Variants in FAT3 observed in about 807,000 individuals in gnomAD.
FAT3 encodes FAT atypical cadherin 3.
Under a neutral mutation model 310.2 loss-of-function variants are expected in FAT3, and 95 were observed. That is an observed-to-expected ratio of 0.31 (90% confidence interval 0.26 to 0.36). The LOEUF is 0.36. Among genes scored for constraint, FAT3 ranks in the 10% least tolerant of loss-of-function variants. FAT3 has a pLI of 1.00. For synonymous variants in FAT3, 2,314 were observed against 2,192.9 expected, an observed-to-expected ratio of 1.06 and a Z score of -1.54; for missense variants, 5,408 against 5,715.6, an observed-to-expected ratio of 0.95 and a Z score of 1.74.
intron 17 of FAT3, among the ~76,000 whole-genome samples, chr11:92,838,421 C>T (rs187427575): frequency 1.3e-5 from 2 of 152,292 alleles, no homozygotes; most frequent in Admixed American, 1.3e-4. Flanking sequence ...TGGTATTCTG[C>T]TATAAGAGAG....
chr11:92,765,569 A>G (rs995203530), intron 6 of FAT3, among the ~76,000 whole-genome samples: 1 of 152,108 alleles, frequency 6.6e-6, no homozygotes, highest in Non-Finnish European at 1.5e-5. Flanking sequence ...GAACTGTTCA[A>G]CAGAAGGTAC....
At chr11:92,471,216 C>T (rs905597014) in intron 2 of FAT3, among the ~76,000 whole-genome samples, 1 of 152,098 alleles carries the variant, frequency 6.6e-6, no homozygotes, top group African/African-American at 2.4e-5. Flanking sequence ...ACTTTTATTA[C>T]TTCCTTAGTT....
In FAT3 at chr11:92,896,335, A is replaced by T. The variant is rs12795339; in HGVS notation, c.*5222A>T. ...AAAAAGAAAAGAAAAGAAAAAAAAA[A>T]CAAAAGCAAACAAAAAAAAAGACAG... On this transcript the variant is annotated 3_prime_UTR_variant, in exon 28 of 28. Coordinates refer to ENST00000525166, the MANE Select transcript of FAT3 (RefSeq NM_001367949.2). The T allele has an allele frequency of 6.6e-6, 1 of 151,700 alleles. No individual in the cohort carries two copies. Among genetic ancestry groups the T allele is most frequent in the African/African-American group, 2.4e-5 (1 of 41,302 alleles). 9.4% of individuals were successfully genotyped at this position (151,700 alleles called of 1,614,324 possible). A position where few individuals can be genotyped will look rare whatever the true frequency, so the allele number is the denominator to read the frequency against.
chr11:92,691,663 A>C (rs1446785210), intron 3 of FAT3, among the ~76,000 whole-genome samples: 1 of 152,154 alleles, frequency 6.6e-6, no homozygotes, highest in African/African-American at 2.4e-5. Context: ...TTATAGGCAT[A>C]AGACACCACA....
At chr11:92,424,624 A>G (rs1950593555) in intron 2 of FAT3, among the ~76,000 whole-genome samples, 1 of 152,108 alleles carries the variant, frequency 6.6e-6, no homozygotes, top group South Asian at 2.1e-4. Context: ...CAGAAATTTA[A>G]TTTTGGCCTT....
chr11:92,510,508 A>G (rs767957660), intron 2 of FAT3, among the ~76,000 whole-genome samples: 3 of 152,140 alleles, frequency 2.0e-5, no homozygotes, highest in Admixed American at 1.3e-4. Context: ...CCTGGTGCCA[A>G]CTACACAGAC....
intron 1 of FAT3, among the ~76,000 whole-genome samples, chr11:92,244,722 G>C (rs1273530293): frequency 6.6e-6 from 1 of 152,056 alleles, no homozygotes; most frequent in South Asian, 2.1e-4. Context: ...TAGGCTTACG[G>C]TGGGGCTTAA....
rs1948649365 is a variant in FAT3 at position 92,353,967 on chromosome 11, A to G, written c.1855A>G (p.Asn619Asp). 6.2e-7 allele frequency: 1 copy of G among 1,612,538 alleles called. No individual in the cohort carries two copies. The highest frequency in any genetic ancestry group is 8.5e-7 in the Non-Finnish European group (1 of 1,179,056). The change falls in exon 2 of 28, where the codon AAT (asparagine) becomes GAT (aspartate). Residue 619 changes from asparagine (N) to aspartate (D), a missense_variant. Coordinates refer to ENST00000525166, the MANE Select transcript of FAT3 (RefSeq NM_001367949.2). ...ELVKYKIISG[N>D]ELGFFYLNPD... ...TGTAAAGTACAAAATCATTTCTGGAAATGAACTTGGCTTCTTTTATTTAAA... is the reference window on the plus strand; with the variant it reads ...TGTAAAGTACAAAATCATTTCTGGAGATGAACTTGGCTTCTTTTATTTAAA...
intron 3 of FAT3, among the ~76,000 whole-genome samples, chr11:92,634,145 G>A (rs894216411): frequency 3.9e-5 from 6 of 152,146 alleles, no homozygotes; most frequent in Non-Finnish European, 8.8e-5. Context: ...AGAGATTTTT[G>A]CAGTGAGTTA....
intron 23 of FAT3, 50 bp downstream of exon 23, chr11:92,880,934 C>G (rs2136400091): frequency 6.3e-7 from 1 of 1,579,390 alleles, no homozygotes; most frequent in Middle Eastern, 1.7e-4. Context: ...TTTATTGCTA[C>G]AACAAACCAG....
chr11:92,266,461 T>G (rs1249067211), intron 1 of FAT3, among the ~76,000 whole-genome samples: 1 of 152,202 alleles, frequency 6.6e-6, no homozygotes, highest in Non-Finnish European at 1.5e-5. Context: ...GATAGGTACT[T>G]TTCAGCTTTT....
In FAT3 at chr11:92,624,243, C is replaced by T. The variant is rs528671772; in HGVS notation, c.3608-73141C>T. Among the ~76,000 whole-genome samples, 3 of 152,208 alleles carry T rather than the reference C, an allele frequency of 2.0e-5. No individual in the cohort carries two copies. In the East Asian group the frequency reaches 5.8e-4, roughly 29 times the overall value. On this transcript the variant is annotated intron_variant, in intron 3 of 27. Coordinates refer to ENST00000525166, the MANE Select transcript of FAT3 (RefSeq NM_001367949.2). ...CTGCCTGTGGTTGTGTAGTATTTTGCCGGATGAAGAGCAAGAAGAAAAACA... is the reference window on the plus strand; with the variant it reads ...CTGCCTGTGGTTGTGTAGTATTTTGTCGGATGAAGAGCAAGAAGAAAAACA...
chr11:92,731,425 G>A (rs1465974554), intron 4 of FAT3, among the ~76,000 whole-genome samples: 1 of 151,380 alleles, frequency 6.6e-6, no homozygotes, highest in Non-Finnish European at 1.5e-5. Context: ...TGCCCTTGTT[G>A]AGAAATATGG....
intron 3 of FAT3, among the ~76,000 whole-genome samples, chr11:92,535,523 G>T (rs1296716246): frequency 6.6e-6 from 1 of 152,204 alleles, no homozygotes. Context: ...GAGGGAGGAA[G>T]ACCCCATGGC....
chr11:92,687,881 A>C (rs1334020384), intron 3 of FAT3, among the ~76,000 whole-genome samples: 1 of 151,990 alleles, frequency 6.6e-6, no homozygotes, highest in Admixed American at 6.5e-5. Context: ...CTTCCTTGCT[A>C]GGCATGCCTA....
At chr11:92,286,977 T>A (rs887997700) in intron 1 of FAT3, among the ~76,000 whole-genome samples, 1 of 152,202 alleles carries the variant, frequency 6.6e-6, no homozygotes, top group African/African-American at 2.4e-5. Context: ...AAACCTTGGA[T>A]TTTGGTCCTT....
intron 1 of FAT3, among the ~76,000 whole-genome samples, chr11:92,327,455 A>T (rs947957012): frequency 3.9e-5 from 6 of 152,240 alleles, no homozygotes; most frequent in Non-Finnish European, 8.8e-5. Context: ...GAGATATAGT[A>T]TATGGCAGCC....
At chr11:92,716,817 T>C (rs530047268) in intron 4 of FAT3, among the ~76,000 whole-genome samples, 3 of 152,318 alleles carry the variant, frequency 2.0e-5, no homozygotes, top group African/African-American at 4.8e-5. Context: ...TTTCCCTTTA[T>C]GATTGTAGTA....
At chr11:92,285,050 A>G (rs1376575370) in intron 1 of FAT3, among the ~76,000 whole-genome samples, 1 of 152,152 alleles carries the variant, frequency 6.6e-6, no homozygotes, top group Non-Finnish European at 1.5e-5. Context: ...CTCAGTGGGA[A>G]TGAGAGGTGA....
Sources: allele counts gnomAD v4.1 joint callset (sites outside exome capture counted in the v4.1 genomes callset), GRCh38; gene constraint gnomAD v4.1.1; transcripts MANE v1.5; gene names NCBI Gene and HGNC (gene_info 2026-07-23, HGNC 2026-07-21).